Variants in TENT4B observed in about 807,000 individuals in gnomAD.
TENT4B encodes terminal nucleotidyltransferase 4B, also known as PAP associated domain containing 5.
In TENT4B, 10 loss-of-function variants were observed where a neutral mutation model predicts 75.0. That is an observed-to-expected ratio of 0.13 (90% confidence interval 0.08 to 0.23). The LOEUF is 0.23. Among genes scored for constraint, TENT4B ranks in the 10% least tolerant of loss-of-function variants. The pLI is 1.00. For missense variants in TENT4B, 579 were observed against 893.8 expected (o/e 0.65, Z 4.49); for synonymous variants, 350 against 357.7 (o/e 0.98, Z 0.24).
chr16:50,227,290 A>G (rs767628087), intron 10 of TENT4B, among the ~76,000 whole-genome samples: 1 of 152,218 alleles, frequency 6.6e-6, no homozygotes, highest in Non-Finnish European at 1.5e-5. Context: ...TGACTCTGAC[A>G]TGCTGGGTAG....
At chr16:50,192,464 GATTTC>G (rs1333516699) in intron 1 of TENT4B, among the ~76,000 whole-genome samples, 5 of 152,192 alleles carry the variant, frequency 3.3e-5, no homozygotes, top group Non-Finnish European at 7.4e-5. Context: ...TGCATCTATA[GATTTC>G]ATTACCCTCA....
At chr16:50,153,153 G>A (rs1368575112), upstream of TENT4B, 5 of 521,942 alleles carry the variant, frequency 9.6e-6, no homozygotes, top group Non-Finnish European at 1.3e-5. Flanking sequence ...GGCGCAGCGG[G>A]GGCGGGGCGA....
chr16:50,155,601 C>T (rs2037882678), intron 1 of TENT4B, among the ~76,000 whole-genome samples: 2 of 152,060 alleles, frequency 1.3e-5, no homozygotes, highest in African/African-American at 2.4e-5. Context: ...TGCAGTCAAG[C>T]GTTCTAGGAC....
intron 4 of TENT4B, among the ~76,000 whole-genome samples, chr16:50,216,544 T>C (rs368384178): frequency 3.5e-4 from 53 of 152,346 alleles, no homozygotes; most frequent in African/African-American, 1.1e-3. Flanking sequence ...ACTCCTGGGC[T>C]CAAGTGATCC....
intron 1 of TENT4B, 27 bp downstream of exon 1, chr16:50,154,286 G>T: frequency 7.2e-7 from 1 of 1,390,556 alleles, no homozygotes; most frequent in Non-Finnish European, 9.3e-7. Context: ...CGGCCCGATG[G>T]CCTGGCCGGT....
intron 5 of TENT4B, 96 bp from the exon 6 acceptor site, chr16:50,222,210 C>T: frequency 1.7e-6 from 2 of 1,178,596 alleles, no homozygotes; most frequent in South Asian, 1.6e-5. Flanking sequence ...ATATCTCTAC[C>T]AAATTTTATA....
intron 1 of TENT4B, among the ~76,000 whole-genome samples, chr16:50,206,943 T>C (rs2031011836): frequency 6.6e-6 from 1 of 152,024 alleles, no homozygotes; most frequent in Admixed American, 6.6e-5. Flanking sequence ...CCTGTGAGTT[T>C]TATTTTTTAA....
chr16:50,218,770 A>G (rs1446692236), intron 5 of TENT4B, among the ~76,000 whole-genome samples: 2 of 152,126 alleles, frequency 1.3e-5, no homozygotes, highest in Non-Finnish European at 2.9e-5. Flanking sequence ...CTGTTTTGAA[A>G]TTATTTAAGT....
chr16:50,235,050 T>C lies in TENT4B; in HGVS notation c.*5722T>C, dbSNP rs904193841. 2.0e-6 allele frequency: 2 copies of C among 985,198 alleles called. No individual in the cohort carries two copies. The highest frequency in any genetic ancestry group is 3.5e-5 in the African/African-American group (2 of 57,224). 61.0% of individuals were successfully genotyped at this position (985,198 alleles called of 1,614,324 possible). ...CACTAAGGAATTTACCAGAAAAAGA[T>C]ATTTGATACAAGTGATTTAAGAAAT... On this transcript the variant is annotated 3_prime_UTR_variant, in exon 12 of 12. Coordinates refer to ENST00000561678, the MANE Select transcript of TENT4B (RefSeq NM_001365324.3).
chr16:50,201,991 G>A (rs1052575665), intron 1 of TENT4B, among the ~76,000 whole-genome samples: 1 of 151,758 alleles, frequency 6.6e-6, no homozygotes, highest in Admixed American at 6.6e-5. Context: ...AAAAATACCA[G>A]CACTTAGCCA....
chr16:50,177,441 T>C (rs2038332074), intron 1 of TENT4B, among the ~76,000 whole-genome samples: 1 of 152,232 alleles, frequency 6.6e-6, no homozygotes, highest in African/African-American at 2.4e-5. Context: ...TGTCTTTTCT[T>C]CTTGGGTAAG....
At chr16:50,163,589 C>T (rs948353520) in intron 1 of TENT4B, among the ~76,000 whole-genome samples, 5 of 150,850 alleles carry the variant, frequency 3.3e-5, no homozygotes, top group East Asian at 2.0e-4. Flanking sequence ...TTAGTAGAGA[C>T]GGGGTTTCAC....
At chr16:50,185,425 A>T (rs927512435) in intron 1 of TENT4B, among the ~76,000 whole-genome samples, 6 of 152,164 alleles carry the variant, frequency 3.9e-5, no homozygotes, top group Non-Finnish European at 7.3e-5. Flanking sequence ...TTGACTGTTC[A>T]TGGCATCTTA....
intron 1 of TENT4B, among the ~76,000 whole-genome samples, chr16:50,180,052 T>C (rs2038382719): frequency 6.6e-6 from 1 of 152,186 alleles, no homozygotes; most frequent in Admixed American, 6.5e-5. Context: ...ACTTCTCAGG[T>C]ACTCTGATAA....
intron 1 of TENT4B, among the ~76,000 whole-genome samples, chr16:50,167,838 G>A (rs1029357681): frequency 6.6e-6 from 1 of 152,038 alleles, no homozygotes; most frequent in Non-Finnish European, 1.5e-5. Context: ...TGTATTTTTA[G>A]TAAAGAGGGG....
chr16:50,154,670 C>G (rs2037855568), intron 1 of TENT4B, among the ~76,000 whole-genome samples: 2 of 152,012 alleles, frequency 1.3e-5, no homozygotes, highest in African/African-American at 4.8e-5. Flanking sequence ...TAGCACGGGC[C>G]TATCATTCAT....
In TENT4B at chr16:50,164,125, C is replaced by G. The variant is rs1597222012; in HGVS notation, c.638+9866C>G. On this transcript the variant is annotated intron_variant, in intron 1 of 11. Coordinates refer to ENST00000561678, the MANE Select transcript of TENT4B (RefSeq NM_001365324.3). ...TGAGCAAAGATTGTGCCATTGCACT[C>G]CATCCTGGGCAGCAAGAGTGAAACT... Among the ~76,000 whole-genome samples, 4 of 151,652 alleles carry G rather than the reference C, an allele frequency of 2.6e-5. No homozygotes were observed. In the South Asian group the frequency reaches 8.4e-4, roughly 32 times the overall value.
intron 1 of TENT4B, among the ~76,000 whole-genome samples, chr16:50,155,272 G>GGGGTGTGTGTGTGTGTGT (rs377547594): frequency 1.3e-4 from 18 of 135,482 alleles, no homozygotes; most frequent in African/African-American, 3.6e-4. Flanking sequence ...GGGTCTCGTG[G>GGGGTGTGTGTGTGTGTGT]GTGTGTGTGT....
chr16:50,159,887 T>C (rs1026162388), intron 1 of TENT4B, among the ~76,000 whole-genome samples: 1 of 152,118 alleles, frequency 6.6e-6, no homozygotes, highest in Non-Finnish European at 1.5e-5. Flanking sequence ...CTTTCTTTGT[T>C]TTTTTTGTTT....
Sources: allele counts gnomAD v4.1 joint callset (sites outside exome capture counted in the v4.1 genomes callset), GRCh38; gene constraint gnomAD v4.1.1; transcripts MANE v1.5; gene names NCBI Gene and HGNC (gene_info 2026-07-23, HGNC 2026-07-21).